Variants in PTPN4 observed in about 807,000 individuals in gnomAD.
PTPN4 encodes protein tyrosine phosphatase non-receptor type 4, also known as tyrosine-protein phosphatase non-receptor type 4.
A neutral mutation model predicts 135.5 loss-of-function variants in PTPN4; 49 were observed. The observed-to-expected ratio is 0.36, with a 90% CI of 0.29 to 0.46. The LOEUF is 0.46. Among genes scored for constraint, PTPN4 ranks in the 20% least tolerant of loss-of-function variants. The pLI is 1.00. For synonymous variants in PTPN4, 333 were observed against 369.9 expected, an observed-to-expected ratio of 0.90 and a Z score of 1.14; for missense variants, 860 against 1,101.0, an observed-to-expected ratio of 0.78 and a Z score of 3.10.
In PTPN4 at chr2:119,882,147, A is replaced by G; in HGVS notation, c.464A>G (p.Gln155Arg). 1.2e-6 allele frequency: 2 copies of G among 1,607,490 alleles called. No individual in the cohort carries two copies. The highest frequency in any genetic ancestry group is 1.7e-6 in the Non-Finnish European group (2 of 1,174,208). ...GCCCTTTTAGCTTCATTTGCTGTTC[A>G]GTGTAAGTATCAGCCCATTTTTAGG... ...TAALLASFAVQSELGDYDQSE... is the reference protein window; with the variant it reads ...TAALLASFAVRSELGDYDQSE... Residue 155 changes from glutamine (Q) to arginine (R), a missense_variant and splice_region_variant, in exon 7 of 27, where the codon CAG becomes CGG. Gln to Arg is a conservative substitution (Grantham distance 43). Coordinates refer to ENST00000263708, the MANE Select transcript of PTPN4 (RefSeq NM_002830.4).
intron 2 of PTPN4, among the ~76,000 whole-genome samples, chr2:119,855,711 C>T (rs929587454): frequency 6.6e-6 from 1 of 152,172 alleles, no homozygotes; most frequent in African/African-American, 2.4e-5. Context: ...CCAGTTCCCC[C>T]ACAGATCTGT....
chr2:119,861,153 AG>A (rs1308236354), intron 2 of PTPN4, among the ~76,000 whole-genome samples: 1 of 152,146 alleles, frequency 6.6e-6, no homozygotes, highest in African/African-American at 2.4e-5. Flanking sequence ...GAGAAGCAGA[AG>A]GGGAAGTGGG....
At chr2:119,820,418 A>T (rs977191041) in intron 2 of PTPN4, among the ~76,000 whole-genome samples, 1 of 152,182 alleles carries the variant, frequency 6.6e-6, no homozygotes, top group Admixed American at 6.5e-5. Context: ...AGTTATAGTT[A>T]TCACATAAGG....
At chr2:119,837,227 G>A (rs943285464) in intron 2 of PTPN4, among the ~76,000 whole-genome samples, 2 of 152,180 alleles carry the variant, frequency 1.3e-5, no homozygotes, top group Non-Finnish European at 1.5e-5. Flanking sequence ...CAGATGTTGG[G>A]ATTTACCAGC....
intron 9 of PTPN4, among the ~76,000 whole-genome samples, chr2:119,891,805 A>T (rs1443789653): frequency 6.6e-6 from 1 of 152,142 alleles, no homozygotes; most frequent in East Asian, 1.9e-4. Context: ...ATTAAGATCT[A>T]TTGCTGGAGA....
intron 2 of PTPN4, among the ~76,000 whole-genome samples, chr2:119,846,152 T>G (rs1677495950): frequency 1.3e-5 from 2 of 152,232 alleles, no homozygotes. Flanking sequence ...TTGAGAAGAA[T>G]GCCCATTCTG....
At chr2:119,792,641 T>G (rs1203706652) in intron 1 of PTPN4, among the ~76,000 whole-genome samples, 1 of 152,260 alleles carries the variant, frequency 6.6e-6, no homozygotes, top group Non-Finnish European at 1.5e-5. Context: ...AAACTAATCT[T>G]GATGATAACC....
chr2:119,938,186 G>T lies in PTPN4; in HGVS notation c.1355+3228G>T, dbSNP rs1395830652. ...TCTGTCGCCCAGGCTGGAGTGCAGTGGCACAATCTTGGCTCACTGCAAGCT... is the reference window on the plus strand; with the variant it reads ...TCTGTCGCCCAGGCTGGAGTGCAGTTGCACAATCTTGGCTCACTGCAAGCT... On this transcript the variant is annotated intron_variant, in intron 15 of 26. Coordinates refer to ENST00000263708, the MANE Select transcript of PTPN4 (RefSeq NM_002830.4). Among the ~76,000 whole-genome samples, 21 of 140,826 alleles carry T rather than the reference G, an allele frequency of 1.5e-4. No individual in the cohort carries two copies. In the Admixed American group the frequency reaches 1.6e-3, roughly 11 times the overall value. The allele number at this position is 140,826 out of a possible 152,430, so 92.4% of individuals were successfully genotyped here. A position where few individuals can be genotyped will look rare whatever the true frequency, so the allele number is the denominator to read the frequency against.
chr2:119,833,244 G>T (rs1677245003), intron 2 of PTPN4, among the ~76,000 whole-genome samples: 1 of 151,678 alleles, frequency 6.6e-6, no homozygotes, highest in Non-Finnish European at 1.5e-5. Context: ...TATCTAGTTG[G>T]CTTATTGTTA....
chr2:119,877,301 G>A, intron 3 of PTPN4, 22 bp from the exon 4 acceptor site: 3 of 1,603,296 alleles, frequency 1.9e-6, no homozygotes, highest in Non-Finnish European at 2.6e-6. Flanking sequence ...AAAGAAATCA[G>A]TTTTATTTAT....
intron 1 of PTPN4, among the ~76,000 whole-genome samples, chr2:119,790,546 T>C (rs1323465923): frequency 6.6e-6 from 1 of 151,912 alleles, no homozygotes; most frequent in Non-Finnish European, 1.5e-5. Flanking sequence ...GGTATATATT[T>C]ATATATATTT....
intron 2 of PTPN4, among the ~76,000 whole-genome samples, chr2:119,822,364 C>CCTT (rs763569144): frequency 2.5e-5 from 3 of 117,802 alleles, no homozygotes; most frequent in South Asian, 3.2e-4. Context: ...CTCCCCCCCC[C>CCTT]TTTTTTTTTT....
chr2:119,838,394 A>G (rs765866350), intron 2 of PTPN4, among the ~76,000 whole-genome samples: 2 of 152,156 alleles, frequency 1.3e-5, no homozygotes, highest in Non-Finnish European at 2.9e-5. Flanking sequence ...ACACCCCATG[A>G]ATTCTGTGAC....
Position 119,977,234 on chromosome 2 carries a change from C to T in PTPN4, c.*164C>T, listed in dbSNP as rs966811926. 1 of 1,168,620 alleles carries T rather than the reference C, an allele frequency of 8.6e-7. No homozygotes were observed. Among genetic ancestry groups the T allele is most frequent in the Non-Finnish European group, 1.1e-6 (1 of 901,670 alleles). 72.4% of individuals were successfully genotyped at this position (1,168,620 alleles called of 1,614,324 possible). ...TTGCACTTTATGTTTTAAAAAATGT[C>T]ACTCTTTCAAAATCTATAACTCATG... On this transcript the variant is annotated 3_prime_UTR_variant, in exon 27 of 27. Coordinates refer to ENST00000263708, the MANE Select transcript of PTPN4 (RefSeq NM_002830.4).
chr2:119,842,709 G>A (rs1316247914), intron 2 of PTPN4, among the ~76,000 whole-genome samples: 1 of 152,144 alleles, frequency 6.6e-6, no homozygotes, highest in Non-Finnish European at 1.5e-5. Context: ...ATAGTACAGA[G>A]AGGTCTCATT....
intron 2 of PTPN4, among the ~76,000 whole-genome samples, chr2:119,857,212 C>T (rs1395935484): frequency 6.6e-6 from 1 of 151,900 alleles, no homozygotes; most frequent in East Asian, 1.9e-4. Flanking sequence ...TCCCAAGTAG[C>T]TGCTTTTCAA....
At chr2:119,890,564 T>G (rs1678225992) in intron 9 of PTPN4, among the ~76,000 whole-genome samples, 1 of 152,182 alleles carries the variant, frequency 6.6e-6, no homozygotes, top group African/African-American at 2.4e-5. Context: ...AATTGTTTTC[T>G]GGTTATTATA....
At chr2:119,867,992 C>T (rs1448012005) in intron 3 of PTPN4, among the ~76,000 whole-genome samples, 2 of 152,184 alleles carry the variant, frequency 1.3e-5, no homozygotes, top group African/African-American at 2.4e-5. Flanking sequence ...ACTACCTTGT[C>T]TTGTTCCTGA....
chr2:119,927,678 G>A, intron 13 of PTPN4, among the ~76,000 whole-genome samples: 1 of 152,182 alleles, frequency 6.6e-6, no homozygotes, highest in Non-Finnish European at 1.5e-5. Context: ...GTGTGTTAGA[G>A]ACAAGAGTTT....
Sources: gnomAD v4.1 joint callset for allele counts (sites outside exome capture counted in the v4.1 genomes callset) on GRCh38, gnomAD v4.1.1 for gene constraint, MANE v1.5 for transcripts, NCBI Gene and HGNC (gene_info 2026-07-23, HGNC 2026-07-21) for gene names.